The following RASEF variants were observed in gnomAD, a reference collection of about 807,000 sequenced individuals.
RASEF encodes ras and EF-hand domain-containing protein.
Under a neutral mutation model 90.1 loss-of-function variants are expected in RASEF, and 68 were observed. That is an observed-to-expected ratio of 0.75 (90% confidence interval 0.62 to 0.92). The LOEUF is 0.92. RASEF is among the 40% of genes least tolerant of loss of function. RASEF has a pLI of 0.00. For missense variants in RASEF, 949 were observed against 937.2 expected, an observed-to-expected ratio of 1.01 and a Z score of -0.16; for synonymous variants, 331 against 345.2, an observed-to-expected ratio of 0.96 and a Z score of 0.46.
In RASEF at chr9:82,996,993, C is replaced by T; in HGVS notation, c.1920+19G>A. The T allele has an allele frequency of 7.2e-7, 1 of 1,389,748 alleles. No individual in the cohort carries two copies. The highest frequency in any genetic ancestry group is 1.7e-5 in the Admixed American group (1 of 59,532). 86.1% of individuals were successfully genotyped at this position (1,389,748 alleles called of 1,614,324 possible). ...AACTTCCTCGTGTAATTTTCTGTTT[C>T]TCCATTATGATTTCTTACCTCAATC... On this transcript the variant is annotated intron_variant, in intron 14 of 16. Transcript: ENST00000376447.
the RASEF span, among the ~76,000 whole-genome samples, chr9:83,111,171 G>A: frequency 2.0e-5 from 3 of 152,060 alleles, no homozygotes; most frequent in African/African-American, 7.3e-5. Context: ...TAAGAAAACA[G>A]TGTAATAACA....
the RASEF span, among the ~76,000 whole-genome samples, chr9:83,068,351 A>G: frequency 6.6e-6 from 1 of 152,216 alleles, no homozygotes; most frequent in African/African-American, 2.4e-5. Context: ...ACCTGTGAAT[A>G]TAATGGGATA....
chr9:83,151,740 T>C, the RASEF span, among the ~76,000 whole-genome samples: 10 of 152,190 alleles, frequency 6.6e-5, no homozygotes, highest in Admixed American at 6.6e-4. Flanking sequence ...CTAAAACCTC[T>C]GGAGATACTG....
chr9:83,069,111 CATAA>C, the RASEF span, among the ~76,000 whole-genome samples: 17 of 152,110 alleles, frequency 1.1e-4, no homozygotes, highest in Non-Finnish European at 2.5e-4. Context: ...GTTTCTTCAG[CATAA>C]ATAAACTTGA....
chr9:83,062,354 T>C, intron 1 of RASEF, 83 bp downstream of exon 1: 1 of 1,347,132 alleles, frequency 7.4e-7, no homozygotes, highest in South Asian at 1.3e-5. Flanking sequence ...GGGGGGCCAT[T>C]GGGTCTGCAC....
the RASEF span, among the ~76,000 whole-genome samples, chr9:83,192,727 AT>A: frequency 8.6e-3 from 1,309 of 151,576 alleles, 21 homozygotes; most frequent in African/African-American, 0.03. Context: ...AAAAAAAAAA[AT>A]TCCATTAAAA....
the RASEF span, among the ~76,000 whole-genome samples, chr9:83,124,573 C>T: frequency 6.6e-6 from 1 of 152,162 alleles, no homozygotes; most frequent in South Asian, 2.1e-4. Flanking sequence ...AGATACAATA[C>T]TATGTACAAA....
At chr9:83,030,968 G>A (rs1010480) in intron 1 of RASEF, among the ~76,000 whole-genome samples, 73,855 of 151,356 alleles carry the variant, frequency 0.49, 18,213 homozygotes, top group East Asian at 0.73. Context: ...CCTCATCACC[G>A]AAGTGAAAAA....
At chr9:83,161,824 G>A in the RASEF span, among the ~76,000 whole-genome samples, 1 of 151,986 alleles carries the variant, frequency 6.6e-6, no homozygotes, top group African/African-American at 2.4e-5. Context: ...CTGTTCTCAT[G>A]ATAGTGAGTC....
At chr9:83,217,175 G>A in the RASEF span, among the ~76,000 whole-genome samples, 2 of 152,020 alleles carry the variant, frequency 1.3e-5, no homozygotes, top group South Asian at 2.1e-4. Context: ...ATTTGGAAAG[G>A]GGGTATTTAT....
the RASEF span, among the ~76,000 whole-genome samples, chr9:83,174,845 A>C: frequency 6.6e-6 from 1 of 152,100 alleles, no homozygotes; most frequent in East Asian, 1.9e-4. Flanking sequence ...TATTTTGTTA[A>C]CTTTATTTCT....
chr9:83,133,409 T>A, the RASEF span, among the ~76,000 whole-genome samples: 3 of 151,908 alleles, frequency 2.0e-5, no homozygotes, highest in Non-Finnish European at 4.4e-5. Context: ...GCTAAAGGAG[T>A]CAAACCTTAG....
intron 1 of RASEF, among the ~76,000 whole-genome samples, chr9:83,039,673 C>T (rs548256566): frequency 2.3e-4 from 35 of 152,296 alleles, no homozygotes; most frequent in Middle Eastern, 6.8e-3. Context: ...GAACTTTACA[C>T]GCACCAGCAT....
At chr9:83,023,483 C>T (rs919712622) in intron 2 of RASEF, among the ~76,000 whole-genome samples, 1 of 151,518 alleles carries the variant, frequency 6.6e-6, no homozygotes, top group Non-Finnish European at 1.5e-5. Flanking sequence ...TATTTACTCC[C>T]TCACACAACA....
At chr9:83,119,726 G>A in the RASEF span, among the ~76,000 whole-genome samples, 2 of 152,160 alleles carry the variant, frequency 1.3e-5, no homozygotes, top group African/African-American at 4.8e-5. Context: ...AAGTGCTATG[G>A]GAGGGACCCA....
At chr9:83,157,735 C>T in the RASEF span, among the ~76,000 whole-genome samples, 2 of 152,174 alleles carry the variant, frequency 1.3e-5, no homozygotes, top group Non-Finnish European at 2.9e-5. Flanking sequence ...TTTTCAACTA[C>T]AATGAGCTAA....
intron 16 of RASEF, among the ~76,000 whole-genome samples, chr9:82,990,045 G>A (rs143377108): frequency 8.5e-5 from 13 of 152,106 alleles, no homozygotes; most frequent in East Asian, 5.8e-4. Context: ...CCTTTTGCCC[G>A]GGAAAATATC....
chr9:83,056,241 T>C lies in RASEF; in HGVS notation c.431+6196A>G, dbSNP rs77394055. On this transcript the variant is annotated intron_variant, in intron 1 of 16. Coordinates refer to ENST00000376447, the MANE Select transcript of RASEF (RefSeq NM_152573.4). ...CAATGAACTTGTTTGTTTGACAAAA[T>C]AATTCTAAAGAAATCCTATGTGTCA... is the stretch of plus-strand genomic sequence containing the variant. Among the ~76,000 whole-genome samples the C allele has an allele frequency of 4.8e-4, 73 of 152,344 alleles. No individual in the cohort carries two copies. The East Asian group carries it at 0.011, about 23-fold the overall frequency.
chr9:83,210,085 C>T, the RASEF span, among the ~76,000 whole-genome samples: 5 of 152,136 alleles, frequency 3.3e-5, no homozygotes, highest in African/African-American at 1.2e-4. Flanking sequence ...ATATTTGCGT[C>T]ATGGAATTTT....
Sources: allele counts gnomAD v4.1 joint callset (sites outside exome capture counted in the v4.1 genomes callset), GRCh38; gene constraint gnomAD v4.1.1; transcripts MANE v1.5; gene names NCBI Gene and HGNC (gene_info 2026-07-23, HGNC 2026-07-21).